RARB: variants seen among roughly 807,000 people sequenced by gnomAD.
RARB encodes retinoic acid receptor beta.
RARB carries 17 observed loss-of-function variants against 51.9 expected under a neutral mutation model. That is an observed-to-expected ratio of 0.33 (90% CI 0.22 to 0.49). RARB has a LOEUF of 0.49. RARB is among the 20% of genes least tolerant of loss of function. The pLI is 0.99. For synonymous variants in RARB, 215 were observed against 195.4 expected (o/e 1.10, Z -0.84); for missense variants, 369 against 550.8 (o/e 0.67, Z 3.30).
intron 2 of RARB, among the ~76,000 whole-genome samples, chr3:25,054,420 G>A (rs1609783): frequency 0.44 from 66,276 of 151,978 alleles, 15,910 homozygotes; most frequent in East Asian, 0.58. Flanking sequence ...TCCTGAGGGA[G>A]CTGAATGTCC....
At chr3:25,316,337 C>T (rs1704424377) in intron 5 of RARB, among the ~76,000 whole-genome samples, 1 of 151,766 alleles carries the variant, frequency 6.6e-6, no homozygotes, top group Admixed American at 6.6e-5. Flanking sequence ...GAGCACAAAC[C>T]ACAACCCTCT....
chr3:25,049,293 G>A (rs576702433), intron 2 of RARB, among the ~76,000 whole-genome samples: 84 of 152,298 alleles, frequency 5.5e-4, no homozygotes, highest in Middle Eastern at 3.4e-3. Flanking sequence ...TGCCAAATCT[G>A]AAGAAATTTG....
At chr3:25,043,376 G>C (rs1016875887) in intron 2 of RARB, among the ~76,000 whole-genome samples, 1 of 152,212 alleles carries the variant, frequency 6.6e-6, no homozygotes, top group Non-Finnish European at 1.5e-5. Context: ...TTTATTAATA[G>C]TAATAAATAC....
At position 24,935,687 on chromosome 3, in the gene RARB, G is replaced by C. The variant is rs564813213; in HGVS notation, c.-380+76935G>C. On this transcript the variant is annotated intron_variant, in intron 2 of 11. Transcript: ENST00000383772. ...TAAGACGACTTATGATGGGAAATCGGTGGAGTGTTTTCAAGTAGGCCTGGC... is the reference window on the plus strand; with the variant it reads ...TAAGACGACTTATGATGGGAAATCGCTGGAGTGTTTTCAAGTAGGCCTGGC... Among the ~76,000 whole-genome samples, 30 of 152,276 alleles carry C rather than the reference G, an allele frequency of 2.0e-4. No individual in the cohort carries two copies. In the South Asian group the frequency reaches 6.0e-3, roughly 30 times the overall value.
chr3:25,251,526 G>C (rs1702720242), intron 5 of RARB, among the ~76,000 whole-genome samples: 1 of 152,066 alleles, frequency 6.6e-6, no homozygotes, highest in Non-Finnish European at 1.5e-5. Flanking sequence ...CTCTCCAAAA[G>C]TTGTCCATTT....
chr3:25,508,059 G>A (rs1212254778), intron 3 of RARB, among the ~76,000 whole-genome samples: 1 of 152,160 alleles, frequency 6.6e-6, no homozygotes, highest in Non-Finnish European at 1.5e-5. Flanking sequence ...CTTGAGTGAT[G>A]GGCAAAACAT....
At chr3:24,953,520 C>T (rs1695943395) in intron 2 of RARB, among the ~76,000 whole-genome samples, 1 of 152,160 alleles carries the variant, frequency 6.6e-6, no homozygotes, top group Non-Finnish European at 1.5e-5. Flanking sequence ...CCTCAGGCGA[C>T]AGATCCCATG....
At chr3:25,180,438 C>T (rs1033937341) in intron 5 of RARB, among the ~76,000 whole-genome samples, 2 of 152,116 alleles carry the variant, frequency 1.3e-5, no homozygotes, top group African/African-American at 4.8e-5. Flanking sequence ...ATGAGACTTT[C>T]CATATCTCAT....
At chr3:25,469,977 G>C (rs1454232123) in intron 2 of RARB, among the ~76,000 whole-genome samples, 1 of 152,208 alleles carries the variant, frequency 6.6e-6, no homozygotes, top group Non-Finnish European at 1.5e-5. Flanking sequence ...GGGAGCATGT[G>C]GGAGTGGTGC....
chr3:25,053,667 T>A (rs978869397), intron 2 of RARB, among the ~76,000 whole-genome samples: 5 of 152,194 alleles, frequency 3.3e-5, no homozygotes, highest in African/African-American at 9.6e-5. Context: ...ATATAGCCCA[T>A]GTGTTCCATA....
At chr3:25,488,890 G>T (rs1440749228) in intron 2 of RARB, among the ~76,000 whole-genome samples, 1 of 152,158 alleles carries the variant, frequency 6.6e-6, no homozygotes, top group Non-Finnish European at 1.5e-5. Context: ...TAACTAATTG[G>T]CAGGTACCTC....
intron 2 of RARB, among the ~76,000 whole-genome samples, chr3:25,039,900 G>A (rs992819828): frequency 3.9e-5 from 6 of 152,318 alleles, no homozygotes; most frequent in African/African-American, 1.4e-4. Context: ...TGGCTGGGTA[G>A]AAGACAAAAT....
At chr3:25,271,632 G>C (rs974564266) in intron 5 of RARB, among the ~76,000 whole-genome samples, 1 of 152,184 alleles carries the variant, frequency 6.6e-6, no homozygotes, top group African/African-American at 2.4e-5. Flanking sequence ...GAGCATCTGA[G>C]AGGAAGGTTA....
chr3:25,375,336 G>A (rs1264364756), intron 5 of RARB, among the ~76,000 whole-genome samples: 1 of 152,116 alleles, frequency 6.6e-6, no homozygotes, highest in Non-Finnish European at 1.5e-5. Context: ...TATATCTTGA[G>A]GACAGTGGGT....
chr3:24,838,912 G>C (rs1310895999), intron 1 of RARB, among the ~76,000 whole-genome samples: 4 of 137,210 alleles, frequency 2.9e-5, no homozygotes, highest in Non-Finnish European at 6.2e-5. Context: ...CTGGAAATCT[G>C]TGTAAAATCT....
chr3:25,237,510 TA>T (rs1702332013), intron 5 of RARB, among the ~76,000 whole-genome samples: 1 of 152,248 alleles, frequency 6.6e-6, no homozygotes, highest in African/African-American at 2.4e-5. Context: ...ATTTGTTTTT[TA>T]AAAAAGCCAC....
chr3:25,225,699 AAC>A (rs1194571352), intron 5 of RARB, among the ~76,000 whole-genome samples: 2 of 152,194 alleles, frequency 1.3e-5, no homozygotes, highest in Admixed American at 6.5e-5. Flanking sequence ...GGGTGATATA[AAC>A]ACACAGGTAC....
chr3:25,296,823 T>C (rs1703926346), intron 5 of RARB, among the ~76,000 whole-genome samples: 1 of 152,196 alleles, frequency 6.6e-6, no homozygotes, highest in Non-Finnish European at 1.5e-5. Context: ...CCATAATATA[T>C]TTAAGTGAGC....
chr3:25,068,093 C>T (rs1698697976), intron 3 of RARB, among the ~76,000 whole-genome samples: 2 of 118,718 alleles, frequency 1.7e-5, no homozygotes, highest in Admixed American at 1.2e-4. Flanking sequence ...GAGATTGCAC[C>T]ATCGCACTTC....
Sources: allele counts gnomAD v4.1 joint callset (sites outside exome capture counted in the v4.1 genomes callset), GRCh38; gene constraint gnomAD v4.1.1; transcripts MANE v1.5; gene names NCBI Gene and HGNC (gene_info 2026-07-23, HGNC 2026-07-21).